PTPRN2: variants seen among roughly 807,000 people sequenced by gnomAD.
The protein encoded by PTPRN2 is receptor-type tyrosine-protein phosphatase N2.
In PTPRN2, 74 loss-of-function variants were observed where a neutral mutation model predicts 118.8. That is an observed-to-expected ratio of 0.62 (90% CI 0.52 to 0.76). The LOEUF is 0.76. PTPRN2 is among the 30% of genes least tolerant of loss of function. PTPRN2 has a pLI of 0.00. For missense variants in PTPRN2, 1,481 were observed against 1,394.4 expected, an observed-to-expected ratio of 1.06 and a Z score of -0.99; for synonymous variants, 641 against 608.0, an observed-to-expected ratio of 1.05 and a Z score of -0.80.
intron 2 of PTPRN2, among the ~76,000 whole-genome samples, chr7:158,450,590 C>CCG (rs1330613138): frequency 2.0e-5 from 3 of 152,236 alleles, no homozygotes; most frequent in Non-Finnish European, 4.4e-5. Context: ...GTGCTCACGG[C>CCG]CGCGCCTGCC....
chr7:157,880,693 T>C (rs1303895048), intron 12 of PTPRN2, among the ~76,000 whole-genome samples: 1 of 152,256 alleles, frequency 6.6e-6, no homozygotes, highest in African/African-American at 2.4e-5. Flanking sequence ...TGGCTCAGAC[T>C]GAACCGTGGA....
At chr7:158,014,947 T>A (rs770963181) in intron 11 of PTPRN2, among the ~76,000 whole-genome samples, 1 of 152,258 alleles carries the variant, frequency 6.6e-6, no homozygotes, top group Non-Finnish European at 1.5e-5. Flanking sequence ...TTTTATCAAG[T>A]ATTTTTAGTG....
intron 2 of PTPRN2, among the ~76,000 whole-genome samples, chr7:158,329,954 A>T (rs754443689): frequency 6.6e-6 from 1 of 151,908 alleles, no homozygotes; most frequent in Admixed American, 6.6e-5. Context: ...CAAAATCCTC[A>T]GGTCTTGTAT....
chr7:157,683,000 C>T, intron 12 of PTPRN2, 63 bp from the exon 13 acceptor site: 1 of 1,378,634 alleles, frequency 7.3e-7, no homozygotes, highest in Admixed American at 1.9e-5. Context: ...TAAAAACACA[C>T]GTCTCCAAAT....
intron 2 of PTPRN2, among the ~76,000 whole-genome samples, chr7:158,387,770 G>T (rs1356534935): frequency 6.6e-6 from 1 of 152,146 alleles, no homozygotes; most frequent in Non-Finnish European, 1.5e-5. Flanking sequence ...GCTGTAGATG[G>T]CGGCAACATG....
intron 17 of PTPRN2, among the ~76,000 whole-genome samples, chr7:157,580,859 C>T (rs1585059007): frequency 8.6e-6 from 1 of 115,922 alleles, no homozygotes; most frequent in South Asian, 3.2e-4. Flanking sequence ...CCCCTGCACA[C>T]CCCAGCCCCT....
intron 12 of PTPRN2, among the ~76,000 whole-genome samples, chr7:157,817,144 T>G (rs10260597): frequency 0.2 from 30,379 of 152,210 alleles, 4,976 homozygotes; most frequent in African/African-American, 0.44. Flanking sequence ...CCAGGCTGCT[T>G]ACGCGTCACA....
chr7:158,428,209 C>A (rs946714654), intron 2 of PTPRN2, among the ~76,000 whole-genome samples: 5 of 152,250 alleles, frequency 3.3e-5, no homozygotes, highest in Non-Finnish European at 5.9e-5. Context: ...CTGGGGCACT[C>A]TCTCATCCCA....
chr7:157,988,155 G>A (rs112350409), intron 11 of PTPRN2, among the ~76,000 whole-genome samples: 4,450 of 152,310 alleles, frequency 0.029, 230 homozygotes, highest in African/African-American at 0.1. Context: ...AGTGATGCAT[G>A]TCCTGTGGCA....
intron 2 of PTPRN2, among the ~76,000 whole-genome samples, chr7:158,447,519 G>A (rs544837192): frequency 2.0e-5 from 3 of 152,250 alleles, no homozygotes; most frequent in Admixed American, 6.5e-5. Context: ...CAGGGAGCCC[G>A]GTGGCTCAGC....
At chr7:157,589,913 T>A (rs1800892482) in intron 17 of PTPRN2, among the ~76,000 whole-genome samples, 1 of 152,270 alleles carries the variant, frequency 6.6e-6, no homozygotes, top group Non-Finnish European at 1.5e-5. Flanking sequence ...GGTGGTGCTC[T>A]ATGCCGAGGA....
chr7:158,051,436 G>A (rs1354362378), intron 11 of PTPRN2, among the ~76,000 whole-genome samples: 46 of 152,226 alleles, frequency 3.0e-4, no homozygotes, highest in Non-Finnish European at 1.5e-5. Flanking sequence ...TCCCAAGTCT[G>A]TCTGCCAGCA....
intron 2 of PTPRN2, among the ~76,000 whole-genome samples, chr7:158,337,103 A>C (rs1450046923): frequency 6.6e-6 from 1 of 151,566 alleles, no homozygotes; most frequent in East Asian, 2.0e-4. Flanking sequence ...CCACACTCTC[A>C]CCATAAGAGC....
intron 2 of PTPRN2, among the ~76,000 whole-genome samples, chr7:158,333,133 C>A (rs1447124148): frequency 2.7e-5 from 3 of 112,744 alleles, no homozygotes; most frequent in African/African-American, 1.3e-4. Context: ...AGACATCACT[C>A]ACACCCACAG....
At chr7:158,114,066 TA>T (rs1011465894) in intron 9 of PTPRN2, among the ~76,000 whole-genome samples, 1 of 152,030 alleles carries the variant, frequency 6.6e-6, no homozygotes, top group African/African-American at 2.4e-5. Flanking sequence ...GTATTTAAAA[TA>T]AAAAAACCAA....
Position 157,805,899 on chromosome 7 carries a change from C to T in PTPRN2, c.1788+92774G>A, listed in dbSNP as rs545635363. On this transcript the variant is annotated intron_variant, in intron 12 of 22. Coordinates refer to ENST00000389418, the MANE Select transcript of PTPRN2 (RefSeq NM_002847.5). Reference sequence around the variant, plus strand: ...TTGGGGCCAGCCCTGTCCTGTTCTGCGTTAGCGATGGGGTCTGGTGCTTCT... The same window carrying T: ...TTGGGGCCAGCCCTGTCCTGTTCTGTGTTAGCGATGGGGTCTGGTGCTTCT... Among the ~76,000 whole-genome samples the T allele has an allele frequency of 1.3e-3, 197 of 152,236 alleles. 1 individual carries two copies. The highest frequency in any genetic ancestry group is 4.5e-3 in the African/African-American group (187 of 41,546).
intron 12 of PTPRN2, among the ~76,000 whole-genome samples, chr7:157,842,410 C>CTTTTTTTT (rs11316558): frequency 2.1e-5 from 2 of 93,236 alleles, no homozygotes; most frequent in African/African-American, 3.9e-5. Flanking sequence ...ATTCAGGAGA[C>CTTTTTTTT]TTTTTTTTTT....
At chr7:158,334,455 T>C (rs368746541) in intron 2 of PTPRN2, among the ~76,000 whole-genome samples, 3 of 9,536 alleles carry the variant, frequency 3.1e-4, no homozygotes, top group African/African-American at 6.3e-4. Flanking sequence ...CCATAAGAGG[T>C]GACGCCCATA....
chr7:157,606,284 T>G (rs1295710707), intron 15 of PTPRN2, among the ~76,000 whole-genome samples: 1 of 152,144 alleles, frequency 6.6e-6, no homozygotes, highest in Non-Finnish European at 1.5e-5. Flanking sequence ...CCTGGGTGCC[T>G]AAGTGTGCAG....
Sources: allele counts gnomAD v4.1 joint callset (sites outside exome capture counted in the v4.1 genomes callset), GRCh38; gene constraint gnomAD v4.1.1; transcripts MANE v1.5; gene names NCBI Gene and HGNC (gene_info 2026-07-23, HGNC 2026-07-21).